Variants in KDM6A observed in about 807,000 individuals in gnomAD.
KDM6A encodes the protein lysine-specific demethylase 6A.
In KDM6A, 11 loss-of-function variants were observed where a neutral mutation model predicts 117.6. The observed-to-expected ratio is 0.09, with a 90% confidence interval of 0.06 to 0.15. KDM6A has a LOEUF of 0.15. KDM6A is among the 10% of genes least tolerant of loss of function. The pLI, the probability that KDM6A is intolerant of heterozygous loss-of-function variation, is 1.00. For missense variants in KDM6A, 799 were observed against 1,077.3 expected (o/e 0.74, Z 3.62); for synonymous variants, 384 against 396.1 (o/e 0.97, Z 0.36).
intron 17 of KDM6A, among the ~76,000 whole-genome samples, chrX:45,065,528 A>T (rs1458671130): frequency 8.9e-6 from 1 of 111,848 alleles, no homozygotes; most frequent in Non-Finnish European, 1.9e-5. Context: ...TTTAGAGATT[A>T]TACCTGTAAT....
At chrX:44,905,972 T>C (rs769114403) in intron 2 of KDM6A, among the ~76,000 whole-genome samples, 52 of 112,170 alleles carry the variant, frequency 4.6e-4, no homozygotes, top group Non-Finnish European at 8.5e-4. Context: ...TTTACTTTGC[T>C]CAGGTAGTAC....
At chrX:45,035,801 G>A (rs1171445546) in intron 7 of KDM6A, among the ~76,000 whole-genome samples, 2 of 109,068 alleles carry the variant, frequency 1.8e-5, no homozygotes, top group East Asian at 2.9e-4. Context: ...CCGGGTTGAC[G>A]CCATTCTCCT....
chrX:45,004,591 A>G (rs149716181), intron 4 of KDM6A, among the ~76,000 whole-genome samples: 5,365 of 111,134 alleles, frequency 0.048, 335 homozygotes, highest in African/African-American at 0.17. Context: ...CAGTCTGTCT[A>G]GGAATCTCAT....
At chrX:45,011,353 C>T (rs1443689052) in intron 5 of KDM6A, among the ~76,000 whole-genome samples, 8 of 111,103 alleles carry the variant, frequency 7.2e-5, no homozygotes, top group Non-Finnish European at 1.5e-4. Context: ...ACTGTGATCT[C>T]AGAAGTCAAG....
At chrX:45,005,641 G>A (rs1412140290) in intron 4 of KDM6A, among the ~76,000 whole-genome samples, 2 of 110,854 alleles carry the variant, frequency 1.8e-5, no homozygotes, top group Non-Finnish European at 3.8e-5. Flanking sequence ...TAGTCCTTTC[G>A]TTATCCTTCC....
intron 4 of KDM6A, among the ~76,000 whole-genome samples, chrX:44,975,481 A>C (rs1196829695): frequency 9.0e-6 from 1 of 110,583 alleles, no homozygotes; most frequent in African/African-American, 3.3e-5. Flanking sequence ...CACCGTGTAG[A>C]GGTTTTAGAC....
At chrX:45,015,247 C>CTT (rs2041915236) in intron 5 of KDM6A, among the ~76,000 whole-genome samples, 1 of 109,990 alleles carries the variant, frequency 9.1e-6, no homozygotes, top group Admixed American at 9.7e-5. Context: ...GGACTACAGG[C>CTT]TTGAAGGCTT....
chrX:44,903,640 A>C lies in KDM6A; in HGVS notation c.225+29653A>C, dbSNP rs151066819. ...TTTTCTTTCTTATTTTCTTTCTGTT[A>C]CTGGACTAGATAATCCCAGTTACCT... is the stretch of plus-strand genomic sequence containing the variant. On this transcript the variant is annotated intron_variant, in intron 2 of 29. Coordinates refer to ENST00000611820, the MANE Select transcript of KDM6A (RefSeq NM_001291415.2). 4.5e-3 allele frequency among the ~76,000 whole-genome samples: 496 copies of C among 110,430 alleles called. 1 individual carries two copies. The highest frequency in any genetic ancestry group is 0.016 in the African/African-American group (472 of 30,387).
rs184001359 is a variant in KDM6A, at chrX:45,042,304, A to G, written c.654+4615A>G. Among the ~76,000 whole-genome samples, 391 of 65,131 alleles carry G rather than the reference A, an allele frequency of 6.0e-3. 25 individuals are homozygous for G. Among genetic ancestry groups the G allele is most frequent in the African/African-American group, 0.033 (223 of 6,842 alleles). 56.6% of individuals were successfully genotyped at this position (65,131 alleles called of 115,157 possible). On this transcript the variant is annotated intron_variant, in intron 8 of 29. Coordinates refer to ENST00000611820, the MANE Select transcript of KDM6A (RefSeq NM_001291415.2). ...GGAGAGGGGAGAGGGGAGAGGGGAG[A>G]GGGAGAGTCATTTGATAAATTTTAA...
In KDM6A at chrX:44,911,149, G is replaced by T. The variant is rs770726207; in HGVS notation, c.225+37162G>T. The stretch of plus-strand genomic sequence containing the variant: ...GCTGGCCCCCACCTCCCTCCCGGAC[G>T]GGGCGGCTGGCCGGGCGGGGGCTGC... On this transcript the variant is annotated intron_variant, in intron 2 of 29. Transcript: ENST00000611820. 5.6e-3 allele frequency among the ~76,000 whole-genome samples: 607 copies of T among 107,923 alleles called. 5 individuals are homozygous for T. Among genetic ancestry groups the T allele is most frequent in the African/African-American group, 0.019 (572 of 29,636 alleles). 93.7% of individuals were successfully genotyped at this position (107,923 alleles called of 115,157 possible). A position where few individuals can be genotyped will look rare whatever the true frequency, so the allele number is the denominator to read the frequency against.
intron 27 of KDM6A, among the ~76,000 whole-genome samples, chrX:45,094,545 C>T (rs2046022140): frequency 8.9e-6 from 1 of 111,783 alleles, no homozygotes; most frequent in Admixed American, 9.5e-5. Context: ...AGAATAAATC[C>T]CTTTTCTTCA....
chrX:45,075,566 T>C (rs1173364977), intron 18 of KDM6A, among the ~76,000 whole-genome samples: 1 of 111,546 alleles, frequency 9.0e-6, no homozygotes, highest in African/African-American at 3.2e-5. Flanking sequence ...TTGTTTTTAC[T>C]TGGAGTTGTA....
chrX:45,066,848 G>C (rs994168442), intron 17 of KDM6A, among the ~76,000 whole-genome samples: 4 of 112,034 alleles, frequency 3.6e-5, no homozygotes, highest in Non-Finnish European at 5.6e-5. Context: ...ACCATACTAA[G>C]TAGCAGGGAG....
chrX:45,088,305 C>G (rs931938324), intron 25 of KDM6A, among the ~76,000 whole-genome samples: 2 of 112,423 alleles, frequency 1.8e-5, no homozygotes, highest in African/African-American at 6.5e-5. Context: ...TTGCATTTTT[C>G]AAGAGAGAAA....
intron 3 of KDM6A, among the ~76,000 whole-genome samples, chrX:44,969,213 G>T (rs1297389190): frequency 9.1e-6 from 1 of 109,994 alleles, no homozygotes; most frequent in Non-Finnish European, 1.9e-5. Context: ...ATTCTAGCCA[G>T]TGATAGATTT....
chrX:45,054,080 T>C, intron 10 of KDM6A, 125 bp downstream of exon 10: 1 of 732,797 alleles, frequency 1.4e-6, no homozygotes, highest in Non-Finnish European at 2.1e-6. Context: ...AATACATTAT[T>C]AACCAAGATT....
intron 4 of KDM6A, among the ~76,000 whole-genome samples, chrX:45,003,088 C>A (rs1674185917): frequency 9.0e-6 from 1 of 111,083 alleles, no homozygotes; most frequent in Non-Finnish European, 1.9e-5. Flanking sequence ...ATAGATGGTT[C>A]CTTCCTGGTT....
intron 4 of KDM6A, among the ~76,000 whole-genome samples, chrX:44,980,566 T>C (rs2039856955): frequency 9.4e-6 from 1 of 106,814 alleles, no homozygotes; most frequent in African/African-American, 3.4e-5. Flanking sequence ...TTTGTTTTTT[T>C]TTATGCTATT....
Position 45,076,845 on chromosome X carries a change from A to G in KDM6A, c.2988+19A>G. 8.4e-7 allele frequency: 1 copy of G among 1,184,694 alleles called. No individual in the cohort carries two copies. Among genetic ancestry groups the G allele is most frequent in the Non-Finnish European group, 1.1e-6 (1 of 872,786 alleles). ...TATTTACGTGAGTCTGAATTGACTG[A>G]CTAGAAATAAAACAGTGTTTGCAAC... On this transcript the variant is annotated intron_variant, in intron 19 of 29. Coordinates refer to ENST00000611820, the MANE Select transcript of KDM6A (RefSeq NM_001291415.2).
Sources: allele counts gnomAD v4.1 joint callset (sites outside exome capture counted in the v4.1 genomes callset), GRCh38; gene constraint gnomAD v4.1.1; transcripts MANE v1.5; gene names NCBI Gene and HGNC (gene_info 2026-07-23, HGNC 2026-07-21).